TEX9: variants seen among roughly 807,000 people sequenced by gnomAD.
TEX9 encodes the protein testis expressed 9, also known as testis-expressed protein 9.
TEX9 carries 74 observed loss-of-function variants against 59.6 expected under a neutral mutation model. The observed-to-expected ratio is 1.24, with a 90% CI of 1.03 to 1.51. TEX9 has a LOEUF of 1.51. TEX9 is among the 40% of genes most tolerant of loss of function. The probability of loss-of-function intolerance (pLI) is 0.00; values close to 1 mark genes in which losing one functional copy is unlikely to be tolerated. For missense variants in TEX9, 522 were observed against 447.8 expected, an observed-to-expected ratio of 1.17 and a Z score of -1.49; for synonymous variants, 186 against 152.2, an observed-to-expected ratio of 1.22 and a Z score of -1.64.
chr15:56,447,658 C>T (rs2050916940), downstream of TEX9: 1 of 152,078 alleles, frequency 6.6e-6, no homozygotes, highest in Non-Finnish European at 1.5e-5. Flanking sequence ...TTCAGTTTTA[C>T]TGATCTACAA....
chr15:56,388,637 C>G (rs999403945), intron 5 of TEX9, 117 bp downstream of exon 5: 7 of 753,480 alleles, frequency 9.3e-6, no homozygotes, highest in Non-Finnish European at 1.5e-5. Flanking sequence ...AGAATATGAA[C>G]CTTGATACTC....
At chr15:56,414,009 G>A (rs535245796) in intron 10 of TEX9, among the ~76,000 whole-genome samples, 2 of 151,862 alleles carry the variant, frequency 1.3e-5, no homozygotes, top group Admixed American at 1.3e-4. Flanking sequence ...AACAAGTTAG[G>A]AAGTCATCTT....
chr15:56,325,682 T>C (rs1223798701), intron 1 of TEX9, among the ~76,000 whole-genome samples: 5 of 152,232 alleles, frequency 3.3e-5, no homozygotes, highest in Non-Finnish European at 5.9e-5. Flanking sequence ...ATTTTTCTAT[T>C]TGTCCAAACT....
At chr15:56,249,396 T>C (rs2043953139) in intron 1 of TEX9, among the ~76,000 whole-genome samples, 1 of 151,276 alleles carries the variant, frequency 6.6e-6, no homozygotes, top group Admixed American at 6.6e-5. Context: ...TTGTTGCTCC[T>C]TGAGGAGATG....
chr15:56,414,244 ATTTTG>A (rs1299215063), intron 10 of TEX9, among the ~76,000 whole-genome samples: 13 of 123,000 alleles, frequency 1.1e-4, no homozygotes, highest in Middle Eastern at 4.2e-3. Context: ...ATTTTGTTTT[ATTTTG>A]TTTTAATTTT....
chr15:56,333,157 A>G (rs534557991), intron 1 of TEX9, among the ~76,000 whole-genome samples: 6 of 152,206 alleles, frequency 3.9e-5, no homozygotes, highest in African/African-American at 1.2e-4. Context: ...ATACTTCCAA[A>G]CCATTCTATG....
chr15:56,455,247 GAAAA>G, the TEX9 span, among the ~76,000 whole-genome samples: 386 of 82,880 alleles, frequency 4.7e-3, no homozygotes, highest in African/African-American at 6.6e-3. Context: ...ATCGTCAGGT[GAAAA>G]AAAAAAAAAA....
In TEX9 at chr15:56,287,675, A is replaced by G. The variant is rs79417115; in HGVS notation, c.-107+43397A>G. On this transcript the variant is annotated intron_variant, in intron 1 of 5. Transcript: ENST00000560827. ...TTGTCTTTTGACCAATATCTCCTCAATCCATATAACCCCATCAGACTCATG... is the reference window on the plus strand; with the variant it reads ...TTGTCTTTTGACCAATATCTCCTCAGTCCATATAACCCCATCAGACTCATG... Among the ~76,000 whole-genome samples the G allele has an allele frequency of 2.6e-3, 389 of 152,174 alleles. 1 individual carries two copies. The highest frequency in any genetic ancestry group is 0.01 in the Middle Eastern group (3 of 294).
At chr15:56,434,292 T>C (rs1490788169) in intron 12 of TEX9, 1 of 1,614,000 alleles carries the variant, frequency 6.2e-7, no homozygotes, top group South Asian at 1.1e-5. Context: ...AAAGTTCTCC[T>C]CTTCCTCTTT....
At chr15:56,366,467 G>T (rs151309310) in intron 2 of TEX9, among the ~76,000 whole-genome samples, 3 of 152,288 alleles carry the variant, frequency 2.0e-5, no homozygotes, top group African/African-American at 7.2e-5. Flanking sequence ...AACCTGTAAT[G>T]TGAGTGGCCT....
At chr15:56,396,017 G>A (rs1596176788) in intron 9 of TEX9, 1 of 151,992 alleles carries the variant, frequency 6.6e-6, no homozygotes, top group South Asian at 2.1e-4. Context: ...CTGTGCTTTT[G>A]GTGTCATATT....
At chr15:56,273,701 A>C (rs1351104125) in intron 1 of TEX9, among the ~76,000 whole-genome samples, 1 of 152,236 alleles carries the variant, frequency 6.6e-6, no homozygotes, top group Non-Finnish European at 1.5e-5. Flanking sequence ...ATAGTTCTGC[A>C]ACATATAAAA....
chr15:56,459,801 A>C, the TEX9 span, among the ~76,000 whole-genome samples: 1 of 150,422 alleles, frequency 6.6e-6, no homozygotes, highest in African/African-American at 2.5e-5. Flanking sequence ...GACGAGCCTG[A>C]CCAACGTGGA....
At chr15:56,362,105 A>T (rs1184147767), upstream of TEX9, among the ~76,000 whole-genome samples, 1 of 152,186 alleles carries the variant, frequency 6.6e-6, no homozygotes, top group Non-Finnish European at 1.5e-5. Context: ...GTTCCATGCG[A>T]CCTTGAGAAA....
intron 1 of TEX9, among the ~76,000 whole-genome samples, chr15:56,308,307 A>G (rs1479487091): frequency 6.6e-6 from 1 of 152,124 alleles, no homozygotes; most frequent in African/African-American, 2.4e-5. Flanking sequence ...TTCAGTTTGC[A>G]TTTGCTGATG....
chr15:56,443,504 G>A lies in TEX9; in HGVS notation c.*30-2167G>A, dbSNP rs762852213. 8.8e-6 allele frequency: 14 copies of A among 1,599,748 alleles called. No homozygotes were observed. Among genetic ancestry groups the A allele is most frequent in the African/African-American group, 5.4e-5 (4 of 74,034 alleles). Reference sequence around the variant, plus strand: ...TGTCGCACTTGTTCCAAATCTTCACGTTGCCGCAGCATTTCTTCTAATTTC... The same window carrying A: ...TGTCGCACTTGTTCCAAATCTTCACATTGCCGCAGCATTTCTTCTAATTTC... On this transcript the variant is annotated intron_variant, in intron 12 of 12. Transcript: ENST00000352903.
At chr15:56,352,283 C>T (rs553986572) in intron 1 of TEX9, among the ~76,000 whole-genome samples, 25 of 152,184 alleles carry the variant, frequency 1.6e-4, no homozygotes, top group African/African-American at 4.8e-4. Context: ...CTCGCCCTGT[C>T]GTCTGGGCTG....
intron 1 of TEX9, among the ~76,000 whole-genome samples, chr15:56,264,563 A>C (rs759763104): frequency 6.6e-6 from 1 of 152,176 alleles, no homozygotes; most frequent in African/African-American, 2.4e-5. Context: ...TCTTTTGAAG[A>C]GCTGAAGTTT....
intron 1 of TEX9, among the ~76,000 whole-genome samples, chr15:56,268,318 C>G (rs1267465720): frequency 6.6e-6 from 1 of 152,164 alleles, no homozygotes; most frequent in Admixed American, 6.5e-5. Flanking sequence ...CCCTTTATTT[C>G]TTTCTCTTGC....
Sources: gnomAD v4.1 joint callset for allele counts (sites outside exome capture counted in the v4.1 genomes callset) on GRCh38, gnomAD v4.1.1 for gene constraint, MANE v1.5 for transcripts, NCBI Gene and HGNC (gene_info 2026-07-23, HGNC 2026-07-21) for gene names.